Variants in KCND2 observed in about 807,000 individuals in gnomAD.
KCND2 encodes potassium voltage-gated channel subfamily D member 2.
Under a neutral mutation model 54.4 loss-of-function variants are expected in KCND2, and 16 were observed. That is an observed-to-expected ratio of 0.29 (90% confidence interval 0.20 to 0.45). KCND2 has a LOEUF of 0.45. Ranked by LOEUF, KCND2 falls within the 20% of genes least tolerant of loss-of-function variation. KCND2 has a pLI of 1.00. For missense variants in KCND2, 486 were observed against 824.2 expected (o/e 0.59, Z 5.02); for synonymous variants, 317 against 310.7 (o/e 1.02, Z -0.21).
chr7:120,360,367 T>C (rs1006209484), intron 1 of KCND2, among the ~76,000 whole-genome samples: 5 of 152,094 alleles, frequency 3.3e-5, no homozygotes, highest in African/African-American at 1.2e-4. Flanking sequence ...TTGATTTGGT[T>C]TATCAAAGCC....
At chr7:120,319,387 A>C (rs1291066948) in intron 1 of KCND2, among the ~76,000 whole-genome samples, 1 of 152,028 alleles carries the variant, frequency 6.6e-6, no homozygotes, top group Non-Finnish European at 1.5e-5. Context: ...CCTTGCATTT[A>C]CTCTTCTATC....
At chr7:120,424,406 A>G (rs1801671487) in intron 1 of KCND2, among the ~76,000 whole-genome samples, 1 of 152,212 alleles carries the variant, frequency 6.6e-6, no homozygotes, top group Admixed American at 6.5e-5. Context: ...TGAATATGTT[A>G]TCTAATGGTT....
rs977291681 is a variant in KCND2, at chr7:120,401,846, T to A, written c.1115+126099T>A. On this transcript the variant is annotated intron_variant, in intron 1 of 5. Coordinates refer to ENST00000331113, the MANE Select transcript of KCND2 (RefSeq NM_012281.3). ...AAGACTTATTTTTCTATCCTTTCTT[T>A]CTCTCTGAATAACTTATATCCTAAA... Among the ~76,000 whole-genome samples, 7 of 152,262 alleles carry A rather than the reference T, an allele frequency of 4.6e-5. No homozygotes were observed. In the East Asian group the frequency reaches 1.2e-3, roughly 25 times the overall value.
At chr7:120,595,450 C>T (rs1364121743) in intron 1 of KCND2, among the ~76,000 whole-genome samples, 1 of 71,662 alleles carries the variant, frequency 1.4e-5, no homozygotes, top group East Asian at 3.0e-4. Context: ...GACTGTGCCA[C>T]CAAAAAAAAA....
intron 1 of KCND2, among the ~76,000 whole-genome samples, chr7:120,715,257 TC>T (rs1296494602): frequency 6.6e-6 from 1 of 151,470 alleles, no homozygotes; most frequent in Non-Finnish European, 1.5e-5. Context: ...TAAGATTAAT[TC>T]CGAAAAAAAA....
At chr7:120,693,247 G>T (rs935550311) in intron 1 of KCND2, among the ~76,000 whole-genome samples, 2 of 152,078 alleles carry the variant, frequency 1.3e-5, no homozygotes, top group African/African-American at 4.8e-5. Flanking sequence ...TATTGAAAGG[G>T]AAAAAGGAAA....
At chr7:120,428,689 T>A (rs1484747019) in intron 1 of KCND2, among the ~76,000 whole-genome samples, 1 of 152,188 alleles carries the variant, frequency 6.6e-6, no homozygotes, top group Non-Finnish European at 1.5e-5. Flanking sequence ...ACTTTGGCTC[T>A]AGGAGGAAGG....
chr7:120,583,900 A>G (rs1792553846), intron 1 of KCND2, among the ~76,000 whole-genome samples: 2 of 152,182 alleles, frequency 1.3e-5, no homozygotes, highest in South Asian at 4.1e-4. Context: ...AAAAAGAATC[A>G]CAAAAATGTA....
At chr7:120,442,582 A>G (rs1801960082) in intron 1 of KCND2, among the ~76,000 whole-genome samples, 1 of 152,152 alleles carries the variant, frequency 6.6e-6, no homozygotes. Flanking sequence ...TAAATAAAGT[A>G]TTGAACATCA....
intron 1 of KCND2, among the ~76,000 whole-genome samples, chr7:120,666,651 C>A (rs997499554): frequency 1.3e-5 from 2 of 151,926 alleles, no homozygotes; most frequent in African/African-American, 4.8e-5. Flanking sequence ...GAGCATCCCT[C>A]AGGCCTGCCC....
At chr7:120,534,197 G>A (rs536373304) in intron 1 of KCND2, among the ~76,000 whole-genome samples, 2 of 152,254 alleles carry the variant, frequency 1.3e-5, no homozygotes, top group Admixed American at 6.6e-5. Context: ...GGCAGGGGCT[G>A]ATTTTACAGT....
chr7:120,320,926 C>A (rs1377698972), intron 1 of KCND2, among the ~76,000 whole-genome samples: 1 of 152,108 alleles, frequency 6.6e-6, no homozygotes, highest in Non-Finnish European at 1.5e-5. Flanking sequence ...ATGTAAGCTT[C>A]CTGCAAGGAA....
chr7:120,442,792 G>T (rs997917192), intron 1 of KCND2, among the ~76,000 whole-genome samples: 6 of 152,040 alleles, frequency 3.9e-5, no homozygotes, highest in Non-Finnish European at 8.8e-5. Context: ...GGCATGGTGT[G>T]GCCATCATTT....
chr7:120,417,810 CAG>C (rs1160032236), intron 1 of KCND2, among the ~76,000 whole-genome samples: 1 of 152,120 alleles, frequency 6.6e-6, no homozygotes, highest in African/African-American at 2.4e-5. Context: ...CAGCACAACA[CAG>C]AGTCAAGAGT....
At chr7:120,675,868 T>C (rs969822047) in intron 1 of KCND2, among the ~76,000 whole-genome samples, 4 of 149,308 alleles carry the variant, frequency 2.7e-5, no homozygotes, top group Non-Finnish European at 4.5e-5. Flanking sequence ...TTTTTTTTTT[T>C]TTTTTTTGAG....
intron 1 of KCND2, among the ~76,000 whole-genome samples, chr7:120,359,759 T>G (rs1364579703): frequency 6.6e-6 from 1 of 152,054 alleles, no homozygotes; most frequent in Non-Finnish European, 1.5e-5. Context: ...ATAATCCCCA[T>G]GTCGAAGGAG....
chr7:120,349,020 G>A (rs1448875697), intron 1 of KCND2, among the ~76,000 whole-genome samples: 1 of 151,890 alleles, frequency 6.6e-6, no homozygotes, highest in Non-Finnish European at 1.5e-5. Context: ...TCTATCTGTG[G>A]TATAGCTTCC....
chr7:120,591,004 G>A (rs1468328981), intron 1 of KCND2, among the ~76,000 whole-genome samples: 2 of 152,030 alleles, frequency 1.3e-5, no homozygotes, highest in Non-Finnish European at 2.9e-5. Flanking sequence ...CAGGTTTTCT[G>A]TGTTAACCTT....
intron 1 of KCND2, among the ~76,000 whole-genome samples, chr7:120,477,514 CAAA>C (rs1185995806): frequency 3.3e-5 from 5 of 152,200 alleles, no homozygotes; most frequent in African/African-American, 1.2e-4. Flanking sequence ...TAAAAAATTA[CAAA>C]GGGGGCACTC....
Sources: allele counts gnomAD v4.1 joint callset (sites outside exome capture counted in the v4.1 genomes callset), GRCh38; gene constraint gnomAD v4.1.1; transcripts MANE v1.5; gene names NCBI Gene and HGNC (gene_info 2026-07-23, HGNC 2026-07-21).